The following KIF26B variants were observed in gnomAD, a reference collection of about 807,000 sequenced individuals.
The protein encoded by KIF26B is kinesin family member 26B, also known as kinesin-like protein KIF26B.
Under a neutral mutation model 151.2 loss-of-function variants are expected in KIF26B, and 63 were observed. That is an observed-to-expected ratio of 0.42 (90% CI 0.34 to 0.51). The LOEUF is 0.51. Ranked by LOEUF, KIF26B falls within the 20% of genes least tolerant of loss-of-function variation. The pLI is 0.07. For missense variants in KIF26B, 2,813 were observed against 2,913.6 expected, an observed-to-expected ratio of 0.97 and a Z score of 0.79; for synonymous variants, 1,357 against 1,262.1, an observed-to-expected ratio of 1.08 and a Z score of -1.59.
chr1:245,316,587 G>A (rs1671781020), intron 2 of KIF26B, among the ~76,000 whole-genome samples: 1 of 151,518 alleles, frequency 6.6e-6, no homozygotes, highest in African/African-American at 2.4e-5. Context: ...CTGATAGAAT[G>A]TGCTTTAAGA....
chr1:245,695,170 ATCTAAGAACC>A (rs1393702616), intron 12 of KIF26B, among the ~76,000 whole-genome samples: 2 of 152,166 alleles, frequency 1.3e-5, no homozygotes. Context: ...CATGCAGAAA[ATCTAAGAACC>A]CTTATTTATA....
chr1:245,674,326 A>G (rs1187416655), intron 10 of KIF26B, among the ~76,000 whole-genome samples: 1 of 152,204 alleles, frequency 6.6e-6, no homozygotes, highest in Non-Finnish European at 1.5e-5. Flanking sequence ...ACTTCAGACA[A>G]TGTGAAACAT....
intron 4 of KIF26B, among the ~76,000 whole-genome samples, chr1:245,478,196 T>C (rs73133676): frequency 3.3e-5 from 5 of 151,870 alleles, no homozygotes; most frequent in African/African-American, 9.6e-5. Context: ...TGACTAGTAT[T>C]CCATGGTATG....
intron 12 of KIF26B, among the ~76,000 whole-genome samples, chr1:245,697,156 G>A (rs1391148879): frequency 6.6e-6 from 1 of 152,158 alleles, no homozygotes; most frequent in Non-Finnish European, 1.5e-5. Flanking sequence ...TCGGAGCCCA[G>A]AGTTCACTCC....
chr1:245,482,816 G>A (rs1217589409), intron 4 of KIF26B, among the ~76,000 whole-genome samples: 1 of 151,796 alleles, frequency 6.6e-6, no homozygotes, highest in Non-Finnish European at 1.5e-5. Flanking sequence ...GATATGTGCT[G>A]TGAGTTTCCA....
At chr1:245,191,065 A>G (rs1669100550) in intron 2 of KIF26B, among the ~76,000 whole-genome samples, 1 of 148,534 alleles carries the variant, frequency 6.7e-6, no homozygotes. Flanking sequence ...GTCTCAAAAA[A>G]AAAAAAAAAA....
chr1:245,428,764 G>A (rs911024672), intron 4 of KIF26B, among the ~76,000 whole-genome samples: 22 of 152,112 alleles, frequency 1.4e-4, no homozygotes, highest in Non-Finnish European at 1.0e-4. Flanking sequence ...GCGGCCGGTT[G>A]GGGTGTTGGC....
rs2044871557 is a variant in KIF26B at position 245,708,758 on chromosome 1, T to C, written c.*6152T>C. 6.6e-6 allele frequency: 1 copy of C among 152,246 alleles called. No homozygotes were observed. 9.4% of individuals were successfully genotyped at this position (152,246 alleles called of 1,614,324 possible). On this transcript the variant is annotated 3_prime_UTR_variant, in exon 15 of 15. Coordinates refer to ENST00000407071, the MANE Select transcript of KIF26B (RefSeq NM_018012.4). ...TTTCTAACCTATAAAATGAAGACAT[T>C]GTGCTAGATGATCTTTGTGGTTCCT...
At chr1:245,692,829 T>C (rs2044644139) in intron 12 of KIF26B, among the ~76,000 whole-genome samples, 1 of 152,182 alleles carries the variant, frequency 6.6e-6, no homozygotes, top group South Asian at 2.1e-4. Context: ...CATTGCTTCA[T>C]CCACAGCTCC....
chr1:245,421,233 A>G lies in KIF26B; in HGVS notation c.1166+1488A>G, dbSNP rs144400783. ...AAATGTCACAAGCACAGAAGCTCCT[A>G]GGAGGTTATTAGAACATGTTCAAAG... On this transcript the variant is annotated intron_variant, in intron 4 of 14. Transcript: ENST00000407071. Among the ~76,000 whole-genome samples, 47 of 152,250 alleles carry G rather than the reference A, an allele frequency of 3.1e-4. No homozygotes were observed. The East Asian group carries it at 3.5e-3, about 11-fold the overall frequency.
chr1:245,255,450 GA>G (rs1428616352), intron 2 of KIF26B, among the ~76,000 whole-genome samples: 1 of 152,198 alleles, frequency 6.6e-6, no homozygotes, highest in East Asian at 1.9e-4. Flanking sequence ...ATTGAAATCA[GA>G]AACATGGTCA....
At chr1:245,490,707 C>T (rs1328064145) in intron 4 of KIF26B, among the ~76,000 whole-genome samples, 1 of 152,166 alleles carries the variant, frequency 6.6e-6, no homozygotes, top group Non-Finnish European at 1.5e-5. Context: ...ATTAGTGTCT[C>T]ATTGAAAGCA....
chr1:245,686,924 T>C lies in KIF26B; in HGVS notation c.3941T>C (p.Val1314Ala). Residue 1314 changes from valine to alanine, a missense_variant, in exon 12 of 15, where the codon GTG (valine) becomes GCG (alanine). Transcript: ENST00000407071. The surrounding 1 kb of genome is among the most constrained non-coding windows in gnomAD (Gnocchi z 5.6). ...CACGGGGAGGCAATGGCAGAACCTG[T>C]GGCCTCGGAGTTTGTCAGCAGCCTC... ...FGHGEAMAEP[V>A]ASEFVSSLQN... is the part of the protein sequence containing the mutation. 6.2e-7 allele frequency: 1 copy of C among 1,613,260 alleles called. No homozygotes were observed. Among genetic ancestry groups the C allele is most frequent in the Non-Finnish European group, 8.5e-7 (1 of 1,179,724 alleles).
chr1:245,354,901 G>A (rs183531058), intron 2 of KIF26B, among the ~76,000 whole-genome samples: 31 of 152,272 alleles, frequency 2.0e-4, no homozygotes, highest in Admixed American at 1.9e-3. Flanking sequence ...TCTAGGACTG[G>A]ATGATTTTTA....
chr1:245,659,094 C>T (rs2044104605), intron 10 of KIF26B, among the ~76,000 whole-genome samples: 1 of 151,838 alleles, frequency 6.6e-6, no homozygotes, highest in African/African-American at 2.4e-5. Flanking sequence ...GTATAGTAGC[C>T]ATGCATAGTG....
chr1:245,292,089 C>T (rs754916818), intron 2 of KIF26B, among the ~76,000 whole-genome samples: 21 of 152,196 alleles, frequency 1.4e-4, no homozygotes, highest in Admixed American at 6.5e-5. Flanking sequence ...TAGAGGCGTG[C>T]AAGGCTGGAC....
intron 2 of KIF26B, among the ~76,000 whole-genome samples, chr1:245,210,367 G>A (rs1371298893): frequency 6.6e-6 from 1 of 152,206 alleles, no homozygotes; most frequent in Non-Finnish European, 1.5e-5. Context: ...GGGAAGGACC[G>A]ACAGGCTTGC....
intron 4 of KIF26B, among the ~76,000 whole-genome samples, chr1:245,520,607 CCCACCCATCCATCCATCCATCCATCCAT>C (rs1661078817): frequency 2.8e-5 from 3 of 107,494 alleles, no homozygotes; most frequent in Non-Finnish European, 6.0e-5. Flanking sequence ...CATCCACCCA[CCCACCCATCCATCCATCCATCCATCCAT>C]CCATCCATCC....
At chr1:245,487,100 G>GGGA (rs1558185303) in intron 4 of KIF26B, among the ~76,000 whole-genome samples, 1 of 94,134 alleles carries the variant, frequency 1.1e-5, no homozygotes, top group East Asian at 4.5e-4. Context: ...AATTGAGAAT[G>GGGA]GGGGGGGTGG....
Sources: gnomAD v4.1 joint callset for allele counts (sites outside exome capture counted in the v4.1 genomes callset) on GRCh38, gnomAD v4.1.1 for gene constraint, Gnocchi (gnomAD v3.1) non-coding constraint, MANE v1.5 for transcripts, NCBI Gene and HGNC (gene_info 2026-07-23, HGNC 2026-07-21) for gene names.